Variants in SEMA3E observed in about 807,000 individuals in gnomAD.
SEMA3E encodes the protein semaphorin-3E.
Under a neutral mutation model 93.6 loss-of-function variants are expected in SEMA3E, and 49 were observed. That is an observed-to-expected ratio of 0.52 (90% CI 0.42 to 0.66). The LOEUF (loss-of-function observed/expected upper bound fraction) is 0.66, where lower values mean the gene tolerates loss of function less well. Among genes scored for constraint, SEMA3E ranks in the 30% least tolerant of loss-of-function variants. SEMA3E has a pLI of 0.00. For synonymous variants in SEMA3E, 363 were observed against 330.7 expected (o/e 1.10, Z -1.06); for missense variants, 906 against 964.8 (o/e 0.94, Z 0.81).
At chr7:83,423,780 G>A (rs1227526402) in intron 4 of SEMA3E, among the ~76,000 whole-genome samples, 1 of 151,806 alleles carries the variant, frequency 6.6e-6, no homozygotes, top group Non-Finnish European at 1.5e-5. Flanking sequence ...CAAAGTGCTG[G>A]GATTACAGGC....
Position 83,389,648 on chromosome 7 carries a change from A to G in SEMA3E, c.1668-2598T>C, listed in dbSNP as rs537608706. ...TACATACACACACATACACGTATAT[A>G]TTACATGTATACATACACACATATA... On this transcript the variant is annotated intron_variant, in intron 14 of 16. Coordinates refer to ENST00000643230, the MANE Select transcript of SEMA3E (RefSeq NM_012431.3). Among the ~76,000 whole-genome samples the G allele has an allele frequency of 2.1e-4, 32 of 151,380 alleles. 1 individual carries two copies. The highest frequency in any genetic ancestry group is 6.8e-4 in the African/African-American group (28 of 41,390).
intron 1 of SEMA3E, among the ~76,000 whole-genome samples, chr7:83,587,106 A>G (rs1048904319): frequency 2.0e-4 from 30 of 152,168 alleles, no homozygotes; most frequent in African/African-American, 6.5e-4. Flanking sequence ...AAACTTAAAG[A>G]TTTTCCACAC....
At chr7:83,523,955 G>C (rs114420995) in intron 1 of SEMA3E, among the ~76,000 whole-genome samples, 1,845 of 152,074 alleles carry the variant, frequency 0.012, 34 homozygotes, top group African/African-American at 0.04. Context: ...CGTTTCTTTT[G>C]AGAAAATGCT....
At chr7:83,627,628 C>CTTTTTTTTTT (rs746550123) in intron 1 of SEMA3E, among the ~76,000 whole-genome samples, 9 of 65,352 alleles carry the variant, frequency 1.4e-4, no homozygotes, top group East Asian at 5.2e-4. Context: ...GCAACCCCTG[C>CTTTTTTTTTT]TTTTTTTTTT....
At chr7:83,468,172 G>T (rs1789813596) in intron 3 of SEMA3E, among the ~76,000 whole-genome samples, 2 of 152,146 alleles carry the variant, frequency 1.3e-5, no homozygotes, top group South Asian at 4.1e-4. Context: ...CTAGAATGAG[G>T]AGTGCACTAT....
chr7:83,517,011 C>G (rs989095244), intron 1 of SEMA3E, among the ~76,000 whole-genome samples: 1 of 151,428 alleles, frequency 6.6e-6, no homozygotes, highest in African/African-American at 2.4e-5. Context: ...GGCATGCATT[C>G]CATAGAGTGT....
chr7:83,574,702 G>A (rs1464749278), intron 1 of SEMA3E, among the ~76,000 whole-genome samples: 1 of 152,118 alleles, frequency 6.6e-6, no homozygotes, highest in Non-Finnish European at 1.5e-5. Flanking sequence ...AAGTGAACAA[G>A]ACTGTGCTAA....
At chr7:83,384,762 G>T (rs1332911760) in intron 16 of SEMA3E, among the ~76,000 whole-genome samples, 1 of 152,004 alleles carries the variant, frequency 6.6e-6, no homozygotes, top group Non-Finnish European at 1.5e-5. Flanking sequence ...AAAGAGCGGG[G>T]TCTTTCCTTT....
At chr7:83,474,744 A>C (rs1412796294) in intron 2 of SEMA3E, among the ~76,000 whole-genome samples, 2 of 152,206 alleles carry the variant, frequency 1.3e-5, no homozygotes, top group Non-Finnish European at 2.9e-5. Context: ...GAGAGGAGTC[A>C]CTGACCCCAC....
In SEMA3E at chr7:83,648,566, C is replaced by A; in HGVS notation, c.-24G>T. On this transcript the variant is annotated 5_prime_UTR_variant, in exon 1 of 17. Coordinates refer to ENST00000643230, the MANE Select transcript of SEMA3E (RefSeq NM_012431.3). ...ATGCTGCCGTGTTCACCGTCCAAGC[C>A]CTCGCTCCTCACTTTAAGGAGGGTC... 6.4e-7 allele frequency: 1 copy of A among 1,563,640 alleles called. No homozygotes were observed. Among genetic ancestry groups the A allele is most frequent in the Non-Finnish European group, 8.8e-7 (1 of 1,135,044 alleles).
chr7:83,396,790 A>AAT, intron 11 of SEMA3E, 61 bp from the exon 12 acceptor site: 1 of 1,203,336 alleles, frequency 8.3e-7, no homozygotes. Flanking sequence ...TTTTCAAAAA[A>AAT]ACCATGTAGC....
At chr7:83,557,624 T>C (rs1377161924) in intron 1 of SEMA3E, among the ~76,000 whole-genome samples, 1 of 152,142 alleles carries the variant, frequency 6.6e-6, no homozygotes, top group Admixed American at 6.6e-5. Context: ...TCACAGGTTT[T>C]TATAAATTAA....
intron 4 of SEMA3E, among the ~76,000 whole-genome samples, chr7:83,454,318 TAAAC>T (rs1392020125): frequency 8.2e-6 from 1 of 122,238 alleles, no homozygotes; most frequent in African/African-American, 2.8e-5. Context: ...ATATATTTGA[TAAAC>T]AAGCAATAAT....
intron 4 of SEMA3E, among the ~76,000 whole-genome samples, chr7:83,423,459 GTTAAA>G (rs968664158): frequency 5.3e-5 from 8 of 150,998 alleles, no homozygotes; most frequent in African/African-American, 1.9e-4. Flanking sequence ...TAATAAACAG[GTTAAA>G]TTAAACTCTT....
intron 4 of SEMA3E, among the ~76,000 whole-genome samples, chr7:83,427,634 G>A (rs74878046): frequency 0.044 from 6,692 of 152,216 alleles, 209 homozygotes; most frequent in Non-Finnish European, 0.068. Flanking sequence ...AACTTCTCAC[G>A]TTATTTTGAG....
At chr7:83,543,663 T>C (rs955019839) in intron 1 of SEMA3E, among the ~76,000 whole-genome samples, 1 of 152,110 alleles carries the variant, frequency 6.6e-6, no homozygotes. Flanking sequence ...GAATTCCTCC[T>C]GGCAGAAGAT....
chr7:83,582,251 T>C (rs1792531534), intron 1 of SEMA3E, among the ~76,000 whole-genome samples: 1 of 150,692 alleles, frequency 6.6e-6, no homozygotes, highest in African/African-American at 2.4e-5. Context: ...AATATATACA[T>C]ATAAATAATA....
At chr7:83,634,794 A>G (rs994186039) in intron 1 of SEMA3E, among the ~76,000 whole-genome samples, 1 of 152,058 alleles carries the variant, frequency 6.6e-6, no homozygotes, top group Non-Finnish European at 1.5e-5. Context: ...AGTATTTTAT[A>G]GTCCTATCTT....
chr7:83,526,215 G>T (rs974429394), intron 1 of SEMA3E, among the ~76,000 whole-genome samples: 1 of 152,020 alleles, frequency 6.6e-6, no homozygotes, highest in African/African-American at 2.4e-5. Flanking sequence ...ACACCATGGA[G>T]GTCGGAAAAT....
Sources: allele counts gnomAD v4.1 joint callset (sites outside exome capture counted in the v4.1 genomes callset), GRCh38; gene constraint gnomAD v4.1.1; transcripts MANE v1.5; gene names NCBI Gene and HGNC (gene_info 2026-07-23, HGNC 2026-07-21).